The following FGF12 variants were observed in gnomAD, a reference collection of about 807,000 sequenced individuals.
FGF12 encodes the protein fibroblast growth factor 12B.
Under a neutral mutation model 23.6 loss-of-function variants are expected in FGF12, and 14 were observed. The ratio of observed to expected loss-of-function variants is 0.59; its 90% CI spans 0.39 to 0.93. FGF12 has a LOEUF of 0.93. Ranked by LOEUF, FGF12 falls within the 40% of genes least tolerant of loss-of-function variation. The pLI is 0.00. For synonymous variants in FGF12, 62 were observed against 77.3 expected (o/e 0.80, Z 1.04); for missense variants, 175 against 217.8 (o/e 0.80, Z 1.24).
chr3:192,656,011 A>T (rs1345887181), intron 2 of FGF12, among the ~76,000 whole-genome samples: 1 of 150,686 alleles, frequency 6.6e-6, no homozygotes, highest in Non-Finnish European at 1.5e-5. Flanking sequence ...CATGCCAGAA[A>T]AGAAATTCCC....
At chr3:192,400,719 C>T (rs983066652) in intron 2 of FGF12, among the ~76,000 whole-genome samples, 1 of 152,138 alleles carries the variant, frequency 6.6e-6, no homozygotes, top group Non-Finnish European at 1.5e-5. Flanking sequence ...ATTATTTGAC[C>T]TCTATCAACC....
At chr3:192,583,600 A>G (rs115753360) in intron 2 of FGF12, among the ~76,000 whole-genome samples, 2,505 of 152,232 alleles carry the variant, frequency 0.016, 78 homozygotes, top group African/African-American at 0.057. Context: ...TCTAAAATGG[A>G]TCAGAAAAAA....
intron 2 of FGF12, among the ~76,000 whole-genome samples, chr3:192,512,777 T>C (rs1211737363): frequency 6.9e-6 from 1 of 144,676 alleles, no homozygotes. Context: ...AAAATGCATA[T>C]ATAAATAAAA....
At chr3:192,446,803 C>G (rs1287895645) in intron 2 of FGF12, among the ~76,000 whole-genome samples, 2 of 152,180 alleles carry the variant, frequency 1.3e-5, no homozygotes, top group African/African-American at 4.8e-5. Flanking sequence ...CTGAAACATC[C>G]AACTCTGACT....
chr3:192,371,282 C>T (rs766835652), intron 2 of FGF12, among the ~76,000 whole-genome samples: 18 of 152,208 alleles, frequency 1.2e-4, no homozygotes, highest in Admixed American at 5.9e-4. Flanking sequence ...GGGAAAGTCG[C>T]GTGGCAGCAC....
At chr3:192,236,794 C>T (rs1362174506) in intron 4 of FGF12, among the ~76,000 whole-genome samples, 1 of 152,054 alleles carries the variant, frequency 6.6e-6, no homozygotes, top group East Asian at 1.9e-4. Flanking sequence ...CAACATGACA[C>T]TCTGTGTCTT....
At chr3:192,717,012 T>A (rs866737246) in intron 2 of FGF12, among the ~76,000 whole-genome samples, 10 of 152,300 alleles carry the variant, frequency 6.6e-5, no homozygotes, top group Middle Eastern at 6.8e-3. Context: ...CAGTGGGTTC[T>A]TTCTTGAACC....
intron 4 of FGF12, among the ~76,000 whole-genome samples, chr3:192,321,023 T>C (rs190913499): frequency 4.7e-4 from 71 of 152,152 alleles, no homozygotes; most frequent in African/African-American, 1.6e-3. Flanking sequence ...AAAATGTTGG[T>C]TTTTTGAAAA....
At chr3:192,244,831 AAGCTATTAATGC>A (rs1341462891) in intron 4 of FGF12, 5 of 152,166 alleles carry the variant, frequency 3.3e-5, no homozygotes, top group Admixed American at 3.3e-4. Flanking sequence ...ACAACAGATG[AAGCTATTAATGC>A]AGCTTTACCT....
At chr3:192,535,337 A>G (rs940208003) in intron 2 of FGF12, among the ~76,000 whole-genome samples, 9 of 152,218 alleles carry the variant, frequency 5.9e-5, no homozygotes, top group African/African-American at 2.2e-4. Context: ...TTAAAATTAA[A>G]ACTCCCTTCT....
rs1201807349 is a variant in FGF12, at chr3:192,408,475, GC to G, written c.14-47938del. On this transcript the variant is annotated intron_variant, in intron 2 of 5. Transcript: ENST00000445105. This position sits in a 1 kb window ranked among gnomAD's most constrained non-coding sequence, Gnocchi z 7.3. ...TCTGGCGGCCGGGGGGCGGGGCGGG[GC>G]GGTCCCAGGCCCTCTTGCGAAGTAG... The G allele has an allele frequency of 1.5e-6, 2 of 1,346,794 alleles. No individual in the cohort carries two copies. The highest frequency in any genetic ancestry group is 3.0e-5 in the African/African-American group (2 of 66,918). The allele number at this position is 1,346,794 out of a possible 1,614,324, so 83.4% of individuals were successfully genotyped here.
chr3:192,561,907 TAAAGAAAAAA>T (rs1236557567), intron 2 of FGF12, among the ~76,000 whole-genome samples: 6 of 139,422 alleles, frequency 4.3e-5, no homozygotes, highest in South Asian at 2.2e-4. Flanking sequence ...ATAATAATAA[TAAAGAAAAAA>T]AGAAAGAAAA....
At chr3:192,323,299 G>A (rs1474625812) in intron 4 of FGF12, among the ~76,000 whole-genome samples, 1 of 152,104 alleles carries the variant, frequency 6.6e-6, no homozygotes, top group Non-Finnish European at 1.5e-5. Flanking sequence ...ACAATACCAG[G>A]ATTTGGAAAC....
intron 2 of FGF12, among the ~76,000 whole-genome samples, chr3:192,468,286 A>G (rs955364196): frequency 2.0e-5 from 3 of 152,240 alleles, no homozygotes; most frequent in African/African-American, 7.2e-5. Flanking sequence ...CACTGGTACC[A>G]TAGTAACTAA....
intron 4 of FGF12, among the ~76,000 whole-genome samples, chr3:192,332,352 G>A (rs1280091627): frequency 6.6e-6 from 1 of 151,242 alleles, no homozygotes; most frequent in Non-Finnish European, 1.5e-5. Context: ...ACTTGCAGAA[G>A]AATTTAATAA....
intron 4 of FGF12, among the ~76,000 whole-genome samples, chr3:192,218,302 T>A (rs1009205859): frequency 3.9e-5 from 6 of 152,166 alleles, no homozygotes; most frequent in Non-Finnish European, 7.4e-5. Context: ...GGCCAGTTGA[T>A]CTGGATTATA....
intron 2 of FGF12, among the ~76,000 whole-genome samples, chr3:192,648,474 C>T (rs550159259): frequency 1.7e-4 from 20 of 117,024 alleles, no homozygotes; most frequent in African/African-American, 5.3e-4. Flanking sequence ...GGAACAAAGA[C>T]TATTTAGATT....
At chr3:192,386,230 T>C (rs1170652636) in intron 2 of FGF12, among the ~76,000 whole-genome samples, 2 of 152,270 alleles carry the variant, frequency 1.3e-5, no homozygotes, top group Non-Finnish European at 2.9e-5. Flanking sequence ...TAGTTTTTCA[T>C]GGTCTTGAAC....
At chr3:192,195,663 T>C (rs1717028309) in intron 4 of FGF12, among the ~76,000 whole-genome samples, 1 of 152,148 alleles carries the variant, frequency 6.6e-6, no homozygotes, top group South Asian at 2.1e-4. Context: ...TGTATCCCCA[T>C]TGTAAGCAAT....
Sources: gnomAD v4.1 joint callset for allele counts (sites outside exome capture counted in the v4.1 genomes callset) on GRCh38, gnomAD v4.1.1 for gene constraint, Gnocchi (gnomAD v3.1) non-coding constraint, MANE v1.5 for transcripts, NCBI Gene and HGNC (gene_info 2026-07-23, HGNC 2026-07-21) for gene names.